Variants in RIN2 observed in about 807,000 individuals in gnomAD.
The protein encoded by RIN2 is Ras and Rab interactor 2, also known as RAB5 interacting protein 2.
A neutral mutation model predicts 78.0 loss-of-function variants in RIN2; 36 were observed. The ratio of observed to expected loss-of-function variants is 0.46; its 90% CI spans 0.35 to 0.61. RIN2 has a LOEUF of 0.61. Among genes scored for constraint, RIN2 ranks in the 20% least tolerant of loss-of-function variants. The probability of loss-of-function intolerance (pLI) is 0.00; values close to 1 mark genes in which losing one functional copy is unlikely to be tolerated. For synonymous variants in RIN2, 466 were observed against 466.8 expected (o/e 1.00, Z 0.02); for missense variants, 1,087 against 1,159.7 (o/e 0.94, Z 0.91).
intron 2 of RIN2, among the ~76,000 whole-genome samples, chr20:19,853,668 G>A (rs572262656): frequency 1.3e-4 from 20 of 152,294 alleles, no homozygotes; most frequent in African/African-American, 4.8e-4. Context: ...TCTGTTGGCT[G>A]CATAAATGTC....
At chr20:19,933,390 A>C (rs2040511136) in intron 3 of RIN2, among the ~76,000 whole-genome samples, 1 of 152,114 alleles carries the variant, frequency 6.6e-6, no homozygotes, top group African/African-American at 2.4e-5. Context: ...CATTCTTGTC[A>C]TTCAAGGCTC....
chr20:19,892,966 G>A (rs147934320), intron 3 of RIN2, among the ~76,000 whole-genome samples: 237 of 152,272 alleles, frequency 1.6e-3, no homozygotes, highest in African/African-American at 5.2e-3. Flanking sequence ...TCTGTACGTG[G>A]CCAGGGAGAG....
At chr20:19,828,161 C>T (rs187198997) in intron 2 of RIN2, among the ~76,000 whole-genome samples, 10 of 152,314 alleles carry the variant, frequency 6.6e-5, no homozygotes, top group Admixed American at 5.9e-4. Context: ...TTTTTATAGA[C>T]TCCAACTCAC....
At chr20:19,991,562 A>G (rs1296425932) in intron 10 of RIN2, among the ~76,000 whole-genome samples, 1 of 152,244 alleles carries the variant, frequency 6.6e-6, no homozygotes, top group Non-Finnish European at 1.5e-5. Flanking sequence ...CTGGGGGACA[A>G]AATTATCTCC....
At chr20:19,829,120 G>A (rs1045006353) in intron 2 of RIN2, among the ~76,000 whole-genome samples, 1 of 152,256 alleles carries the variant, frequency 6.6e-6, no homozygotes, top group Non-Finnish European at 1.5e-5. Flanking sequence ...TACTGAAATT[G>A]CCACCTATAT....
At chr20:19,859,887 G>A (rs1038867642) in intron 2 of RIN2, among the ~76,000 whole-genome samples, 1 of 152,218 alleles carries the variant, frequency 6.6e-6, no homozygotes, top group Non-Finnish European at 1.5e-5. Context: ...GTTTATTTGG[G>A]AGATGATCCC....
At chr20:19,981,931 C>T (rs1007461479) in intron 9 of RIN2, among the ~76,000 whole-genome samples, 2 of 152,328 alleles carry the variant, frequency 1.3e-5, no homozygotes, top group South Asian at 2.1e-4. Flanking sequence ...TAGAGTTACA[C>T]ACCTGTATTC....
chr20:19,854,719 C>T (rs1396890885), intron 2 of RIN2, among the ~76,000 whole-genome samples: 23 of 152,096 alleles, frequency 1.5e-4, no homozygotes, highest in Admixed American at 1.4e-3. Flanking sequence ...GTGATTTTTG[C>T]ACATTGATTT....
At chr20:19,798,126 C>T (rs1309123556) in intron 1 of RIN2, among the ~76,000 whole-genome samples, 1 of 152,188 alleles carries the variant, frequency 6.6e-6, no homozygotes, top group South Asian at 2.1e-4. Context: ...GCTGGGATTA[C>T]AGGTGTGAGC....
At chr20:19,804,532 A>G (rs2035344152) in intron 2 of RIN2, among the ~76,000 whole-genome samples, 1 of 152,234 alleles carries the variant, frequency 6.6e-6, no homozygotes, top group African/African-American at 2.4e-5. Flanking sequence ...CCAGCCTTGC[A>G]TCCCAGGGTT....
At chr20:19,795,580 C>T (rs2035030081) in intron 1 of RIN2, among the ~76,000 whole-genome samples, 1 of 152,120 alleles carries the variant, frequency 6.6e-6, no homozygotes, top group Non-Finnish European at 1.5e-5. Context: ...ACAATACAGT[C>T]TGATGTTAGA....
chr20:19,952,036 C>G (rs1768099656), intron 4 of RIN2, among the ~76,000 whole-genome samples: 1 of 152,210 alleles, frequency 6.6e-6, no homozygotes, highest in Non-Finnish European at 1.5e-5. Context: ...GATTCAGAAG[C>G]AGCCTGCCAA....
chr20:19,790,866 T>C (rs2122618444), intron 1 of RIN2, among the ~76,000 whole-genome samples: 1 of 152,338 alleles, frequency 6.6e-6, no homozygotes, highest in African/African-American at 2.4e-5. Context: ...GTTTGCATTG[T>C]AAAATGGAAA....
chr20:19,761,012 A>G (rs2033618945), intron 1 of RIN2, among the ~76,000 whole-genome samples: 1 of 152,198 alleles, frequency 6.6e-6, no homozygotes, highest in Non-Finnish European at 1.5e-5. Context: ...GGGGTGTTGA[A>G]TGAATGAATG....
intron 1 of RIN2, among the ~76,000 whole-genome samples, chr20:19,782,549 C>G (rs1302706509): frequency 6.9e-6 from 1 of 145,026 alleles, no homozygotes; most frequent in South Asian, 2.2e-4. Flanking sequence ...GAGCGAGACT[C>G]TGTCTTAAAA....
At chr20:19,905,595 A>G (rs1032984272) in intron 3 of RIN2, among the ~76,000 whole-genome samples, 1 of 152,216 alleles carries the variant, frequency 6.6e-6, no homozygotes, top group Non-Finnish European at 1.5e-5. Flanking sequence ...GTCAAGTTCT[A>G]TTGGAGCTGG....
chr20:19,842,213 T>G (rs986914457), intron 2 of RIN2, among the ~76,000 whole-genome samples: 11 of 149,600 alleles, frequency 7.4e-5, no homozygotes, highest in Admixed American at 1.3e-4. Flanking sequence ...TCTTTGTTTT[T>G]TTTGTTTGTT....
At chr20:19,906,407 C>A (rs781280355) in intron 3 of RIN2, among the ~76,000 whole-genome samples, 34 of 152,190 alleles carry the variant, frequency 2.2e-4, no homozygotes, top group Non-Finnish European at 4.0e-4. Flanking sequence ...TATAATCATG[C>A]CACTGCACTC....
In RIN2 at chr20:19,828,872, C is replaced by T. The variant is rs80067056; in HGVS notation, c.-37+29125C>T. ...CTGTATGATCATTGGGATGGTCCAA[C>T]CGGCTACGTCGTCTGAGGCTCCCTT... On this transcript the variant is annotated intron_variant, in intron 2 of 12. Coordinates refer to ENST00000255006, the MANE Select transcript of RIN2 (RefSeq NM_018993.4). 3.9e-3 allele frequency among the ~76,000 whole-genome samples: 600 copies of T among 152,178 alleles called. 3 individuals are homozygous for T. Among genetic ancestry groups the T allele is most frequent in the Non-Finnish European group, 5.8e-3 (392 of 68,018 alleles).
Sources: gnomAD v4.1 joint callset for allele counts (sites outside exome capture counted in the v4.1 genomes callset) on GRCh38, gnomAD v4.1.1 for gene constraint, MANE v1.5 for transcripts, NCBI Gene and HGNC (gene_info 2026-07-23, HGNC 2026-07-21) for gene names.